Variants in RARB observed in about 807,000 individuals in gnomAD.
The protein encoded by RARB is retinoic acid receptor beta.
Under a neutral mutation model 51.9 loss-of-function variants are expected in RARB, and 17 were observed. That is an observed-to-expected ratio of 0.33 (90% confidence interval 0.22 to 0.49). The LOEUF is 0.49. Among genes scored for constraint, RARB ranks in the 20% least tolerant of loss-of-function variants. The pLI is 0.99. For synonymous variants in RARB, 215 were observed against 195.4 expected (o/e 1.10, Z -0.84); for missense variants, 369 against 550.8 (o/e 0.67, Z 3.30).
chr3:25,013,597 A>G (rs763943365), intron 2 of RARB, among the ~76,000 whole-genome samples: 1 of 152,068 alleles, frequency 6.6e-6, no homozygotes, highest in Non-Finnish European at 1.5e-5. Flanking sequence ...CTCATTGACA[A>G]TATCAGAGTC....
chr3:25,343,323 T>C (rs907222759), intron 5 of RARB, among the ~76,000 whole-genome samples: 21 of 152,150 alleles, frequency 1.4e-4, no homozygotes, highest in African/African-American at 4.8e-4. Flanking sequence ...CTATAGCATA[T>C]TATCAGTCAA....
chr3:25,026,501 G>A (rs939917186), intron 2 of RARB, among the ~76,000 whole-genome samples: 8 of 152,058 alleles, frequency 5.3e-5, no homozygotes, highest in Admixed American at 6.6e-5. Flanking sequence ...CACATCCCTG[G>A]TGCCTCTTTG....
At chr3:25,546,526 A>C (rs745897785) in intron 3 of RARB, among the ~76,000 whole-genome samples, 2 of 152,144 alleles carry the variant, frequency 1.3e-5, no homozygotes, top group Non-Finnish European at 2.9e-5. Context: ...GTAGCTGTGG[A>C]AATTGAATGG....
chr3:24,941,608 T>C (rs1695669222), intron 2 of RARB, among the ~76,000 whole-genome samples: 1 of 152,122 alleles, frequency 6.6e-6, no homozygotes, highest in Non-Finnish European at 1.5e-5. Flanking sequence ...TACCTTGTGA[T>C]CCGCCCACCT....
chr3:24,990,256 A>C (rs1278479601), intron 2 of RARB, among the ~76,000 whole-genome samples: 1 of 91,654 alleles, frequency 1.1e-5, no homozygotes, highest in Non-Finnish European at 2.1e-5. Context: ...TACATGTGCC[A>C]TGCTGGTGTG....
rs536237747 is a variant in RARB at position 25,503,117 on chromosome 3, C to T, written c.448+1794C>T. ...ATCATGGGTCACTTTTCATCCAGTT[C>T]CTTTCCCTCTCTCCAAATTTTAGAG... On this transcript the variant is annotated intron_variant, in intron 3 of 7. Coordinates refer to ENST00000330688, the MANE Select transcript of RARB (RefSeq NM_000965.5). Among the ~76,000 whole-genome samples, 19 of 140,930 alleles carry T rather than the reference C, an allele frequency of 1.3e-4. No homozygotes were observed. In the South Asian group the frequency reaches 3.9e-3, roughly 29 times the overall value. The allele number at this position is 140,930 out of a possible 152,430, so 92.5% of individuals were successfully genotyped here. A position where few individuals can be genotyped will look rare whatever the true frequency, so the allele number is the denominator to read the frequency against.
chr3:25,186,885 C>CTGTGTGTGTGTGTG lies in RARB; in HGVS notation c.178+12352_178+12365dup, dbSNP rs71057702. Among the ~76,000 whole-genome samples, 345 of 114,278 alleles carry CTGTGTGTGTGTGTG rather than the reference C, an allele frequency of 3.0e-3. 6 individuals carry two copies. The highest frequency in any genetic ancestry group is 5.1e-3 in the East Asian group (17 of 3,364). 75.0% of individuals were successfully genotyped at this position (114,278 alleles called of 152,430 possible). On this transcript the variant is annotated intron_variant, in intron 5 of 11. Coordinates refer to the RARB transcript ENST00000383772. ...TGAAGACCCAAAGAAAAAGGTAAGC[C>CTGTGTGTGTGTGTG]TGTGTGTGTGTGTGTGTGTGTGTGT...
intron 3 of RARB, among the ~76,000 whole-genome samples, chr3:25,532,778 C>A (rs960740218): frequency 6.6e-6 from 1 of 152,192 alleles, no homozygotes; most frequent in Non-Finnish European, 1.5e-5. Flanking sequence ...TAACTTCATT[C>A]TTTGTTGAGA....
intron 5 of RARB, among the ~76,000 whole-genome samples, chr3:25,318,370 G>A (rs1287658264): frequency 6.6e-6 from 1 of 152,120 alleles, no homozygotes; most frequent in Non-Finnish European, 1.5e-5. Context: ...GAATATAGTG[G>A]CTAATGTGTC....
At chr3:25,046,315 T>C (rs910501421) in intron 2 of RARB, among the ~76,000 whole-genome samples, 5 of 152,196 alleles carry the variant, frequency 3.3e-5, no homozygotes, top group Non-Finnish European at 7.3e-5. Context: ...TCCTAAGTTA[T>C]TCCCTAAGTG....
At chr3:25,545,337 T>C (rs1699577285) in intron 3 of RARB, among the ~76,000 whole-genome samples, 1 of 152,132 alleles carries the variant, frequency 6.6e-6, no homozygotes, top group African/African-American at 2.4e-5. Flanking sequence ...AAGGAAGCTC[T>C]CTGCTTTGTC....
chr3:25,039,200 T>C (rs1172500153), intron 2 of RARB, among the ~76,000 whole-genome samples: 1 of 152,216 alleles, frequency 6.6e-6, no homozygotes. Context: ...ATTAGAGGGA[T>C]ACGTATGAAA....
chr3:25,175,583 TA>T (rs1559492816), intron 5 of RARB, among the ~76,000 whole-genome samples: 24 of 152,196 alleles, frequency 1.6e-4, no homozygotes, highest in African/African-American at 5.3e-4. Flanking sequence ...TTGTTCTACC[TA>T]AGTAGAATCC....
At chr3:25,470,355 A>G (rs202224172) in intron 2 of RARB, among the ~76,000 whole-genome samples, 2 of 152,220 alleles carry the variant, frequency 1.3e-5, no homozygotes, top group African/African-American at 4.8e-5. Flanking sequence ...TGGATGGATG[A>G]ATGAATGAGC....
chr3:25,035,458 A>G (rs2125292246), intron 2 of RARB, among the ~76,000 whole-genome samples: 1 of 128,444 alleles, frequency 7.8e-6, no homozygotes, highest in Admixed American at 8.8e-5. Context: ...CTCTCAAGGT[A>G]GCTATTCCAT....
chr3:25,186,796 A>G (rs1376481812), intron 5 of RARB, among the ~76,000 whole-genome samples: 1 of 152,002 alleles, frequency 6.6e-6, no homozygotes, highest in Non-Finnish European at 1.5e-5. Context: ...AAGACAGATT[A>G]ACATCAGAAA....
chr3:25,229,467 A>C (rs1432660348), intron 5 of RARB, among the ~76,000 whole-genome samples: 1 of 152,118 alleles, frequency 6.6e-6, no homozygotes, highest in Non-Finnish European at 1.5e-5. Flanking sequence ...ACCATTTGCA[A>C]TTATTGTTTA....
chr3:25,407,410 C>G (rs1575378572), intron 5 of RARB, among the ~76,000 whole-genome samples: 1 of 152,166 alleles, frequency 6.6e-6, no homozygotes, highest in East Asian at 1.9e-4. Flanking sequence ...TTGAATGATG[C>G]TAGGGAGGAC....
At chr3:25,333,814 C>T (rs1476450915) in intron 5 of RARB, among the ~76,000 whole-genome samples, 1 of 152,174 alleles carries the variant, frequency 6.6e-6, no homozygotes, top group African/African-American at 2.4e-5. Context: ...CTACAAAGAA[C>T]TTAAACGGAT....
Sources: gnomAD v4.1 joint callset for allele counts (sites outside exome capture counted in the v4.1 genomes callset) on GRCh38, gnomAD v4.1.1 for gene constraint, MANE v1.5 for transcripts, NCBI Gene and HGNC (gene_info 2026-07-23, HGNC 2026-07-21) for gene names.